The following DNAH9 variants were observed in gnomAD, a reference collection of about 807,000 sequenced individuals.
DNAH9 encodes DNAH9 variant protein.
In DNAH9, 345 loss-of-function variants were observed where a neutral mutation model predicts 471.6. The observed-to-expected ratio is 0.73, with a 90% CI of 0.67 to 0.80. The LOEUF is 0.80. Among genes scored for constraint, DNAH9 ranks in the 30% least tolerant of loss-of-function variants. The probability of loss-of-function intolerance (pLI) is 0.00; values close to 1 mark genes in which losing one functional copy is unlikely to be tolerated. For missense variants in DNAH9, 5,407 were observed against 5,609.2 expected (o/e 0.96, Z 1.15); for synonymous variants, 2,093 against 2,123.6 (o/e 0.99, Z 0.40).
At chr17:11,890,928 C>T (rs1973031450) in intron 57 of DNAH9, among the ~76,000 whole-genome samples, 1 of 152,142 alleles carries the variant, frequency 6.6e-6, no homozygotes, top group South Asian at 2.1e-4. Context: ...CTCAAGTGAT[C>T]CTCTCAGCTC....
Position 11,764,984 on chromosome 17 carries a change from C to CA in DNAH9, c.7170+1376dup, listed in dbSNP as rs201546338. 3.7e-3 allele frequency among the ~76,000 whole-genome samples: 561 copies of CA among 152,022 alleles called. 6 individuals are homozygous for CA. The highest frequency in any genetic ancestry group is 0.013 in the African/African-American group (537 of 41,490). On this transcript the variant is annotated intron_variant, in intron 36 of 68. Transcript: ENST00000262442. ...TAGCTGAGAAAAGCAAAAATAAAAG[C>CA]AAAAAAGAACATGAACTGTGGATTT...
intron 61 of DNAH9, among the ~76,000 whole-genome samples, chr17:11,921,141 G>T (rs1455668232): frequency 1.3e-5 from 2 of 151,970 alleles, no homozygotes; most frequent in Non-Finnish European, 2.9e-5. Flanking sequence ...TACTCGGGAG[G>T]CTGAGGCAGG....
intron 62 of DNAH9, among the ~76,000 whole-genome samples, chr17:11,926,642 TTATC>T (rs1286402555): frequency 5.3e-5 from 8 of 152,218 alleles, no homozygotes; most frequent in African/African-American, 1.4e-4. Flanking sequence ...CACATTTTCT[TTATC>T]TAGTCTATCA....
At chr17:11,847,661 A>G (rs1971274395) in intron 49 of DNAH9, among the ~76,000 whole-genome samples, 1 of 152,194 alleles carries the variant, frequency 6.6e-6, no homozygotes, top group African/African-American at 2.4e-5. Context: ...TTCTCTATAT[A>G]TGAAAAGCTC....
intron 41 of DNAH9, among the ~76,000 whole-genome samples, chr17:11,787,632 A>G (rs902155615): frequency 2.2e-4 from 33 of 152,130 alleles, no homozygotes; most frequent in Admixed American, 2.0e-4. Flanking sequence ...ATCAGAACAG[A>G]ATTTGATAGT....
chr17:11,600,553 G>A lies in DNAH9; in HGVS notation c.417+1638G>A, dbSNP rs187319560. ...CATTGGTGCATTGAAAGAGATTGGAGACAAACAATGTTCATCAACAGGGGA... is the reference window on the plus strand; with the variant it reads ...CATTGGTGCATTGAAAGAGATTGGAAACAAACAATGTTCATCAACAGGGGA... On this transcript the variant is annotated intron_variant, in intron 1 of 68. Coordinates refer to ENST00000262442, the MANE Select transcript of DNAH9 (RefSeq NM_001372.4). Among the ~76,000 whole-genome samples, 11 of 152,102 alleles carry A rather than the reference G, an allele frequency of 7.2e-5. No homozygotes were observed. In the East Asian group the frequency reaches 2.1e-3, roughly 29 times the overall value.
rs554003765 is a variant in DNAH9 at position 11,811,894 on chromosome 17, G to A, written c.8707+1525G>A. ...AATCCCAGCTACTTGGGAGGGTGAGGCAGGAGAATCACTTGAACCAGGGAG... is the reference window on the plus strand; with the variant it reads ...AATCCCAGCTACTTGGGAGGGTGAGACAGGAGAATCACTTGAACCAGGGAG... On this transcript the variant is annotated intron_variant, in intron 45 of 68. Transcript: ENST00000262442. Among the ~76,000 whole-genome samples, 10 of 147,442 alleles carry A rather than the reference G, an allele frequency of 6.8e-5. 1 individual carries two copies. The highest frequency in any genetic ancestry group is 4.3e-4 in the South Asian group (2 of 4,620).
chr17:11,780,948 G>A, intron 38 of DNAH9, 61 bp from the exon 39 acceptor site: 2 of 1,534,166 alleles, frequency 1.3e-6, no homozygotes, highest in Middle Eastern at 2.0e-4. Context: ...AATCTTTGCT[G>A]TCTCAGTACT....
chr17:11,946,060 C>T lies in DNAH9; in HGVS notation c.12843+3575C>T, dbSNP rs901181372. Among the ~76,000 whole-genome samples, 6 of 151,808 alleles carry T rather than the reference C, an allele frequency of 4.0e-5. No homozygotes were observed. In the East Asian group the frequency reaches 9.7e-4, roughly 25 times the overall value. On this transcript the variant is annotated intron_variant, in intron 67 of 68. Coordinates refer to ENST00000262442, the MANE Select transcript of DNAH9 (RefSeq NM_001372.4). ...CTAAAAAATACAAAAATTAGCCAGG[C>T]GTGGTGGCACGCACCTGTAATCCCA...
At position 11,768,573 on chromosome 17, in the gene DNAH9, C is replaced by A. The variant is rs1442395333; in HGVS notation, c.7291C>A (p.Pro2431Thr). The A allele has an allele frequency of 1.2e-6, 2 of 1,614,142 alleles. No individual in the cohort carries two copies. Among genetic ancestry groups the A allele is most frequent in the South Asian group, 1.1e-5 (1 of 91,064 alleles). Residue 2431 changes from proline to threonine, a missense_variant, in exon 37 of 69, where the codon CCT becomes ACT. By Grantham distance (38) the Pro-to-Thr change is conservative. Around this residue, in one of 3 missense-constraint regions of DNAH9, gnomAD observed 4,636 missense variants for 4,900.3 expected, o/e 0.95. Coordinates refer to ENST00000262442, the MANE Select transcript of DNAH9 (RefSeq NM_001372.4). ...YIDPETKKFE[P>T]WSKLVPQFEF... ...CGACCCAGAGACCAAGAAATTCGAG[C>A]CTTGGTCCAAGCTCGTCCCCCAGTT... is the stretch of plus-strand genomic sequence containing the variant.
Position 11,902,819 on chromosome 17 carries a change from A to G in DNAH9, c.11507A>G (p.Glu3836Gly), listed in dbSNP as rs1973457072. 3.7e-6 allele frequency: 6 copies of G among 1,614,060 alleles called. No individual in the cohort carries two copies. The East Asian group carries it at 6.7e-5, about 18-fold the overall frequency. The change falls in exon 60 of 69, where the codon GAG becomes GGG. Residue 3836 changes from glutamate (E) to glycine (G), a missense_variant. Glu to Gly is a moderately conservative substitution (Grantham distance 98, BLOSUM62 -2). Coordinates refer to ENST00000262442, the MANE Select transcript of DNAH9 (RefSeq NM_001372.4). ...KFVESECPEK[E>G]KLPQEWKNKT... ...GTGGAGTCCGAATGTCCTGAGAAAG[A>G]GAAGCTCCCACAGGAGTGGAAGAAC... is the stretch of plus-strand genomic sequence containing the variant.
At chr17:11,628,832 A>C (rs995829591) in intron 6 of DNAH9, among the ~76,000 whole-genome samples, 1 of 152,234 alleles carries the variant, frequency 6.6e-6, no homozygotes, top group Non-Finnish European at 1.5e-5. Context: ...GACCACAAAG[A>C]CATAGAGAGG....
At chr17:11,789,226 G>C (rs906514957) in intron 41 of DNAH9, among the ~76,000 whole-genome samples, 12 of 151,940 alleles carry the variant, frequency 7.9e-5, no homozygotes, top group Non-Finnish European at 1.3e-4. Context: ...AAAATACTTT[G>C]AGAAGTGTTT....
rs756615045 is a variant in DNAH9 at position 11,598,721 on chromosome 17, C to T, written c.223C>T (p.Arg75Trp). Residue 75 changes from arginine to tryptophan, a missense_variant, in exon 1 of 69, where the codon CGG (arginine) becomes TGG (tryptophan). Physicochemically the swap from Arg to Trp is moderately radical, Grantham distance 101. Around this residue, in one of 3 missense-constraint regions of DNAH9, gnomAD observed 767 missense variants for 692.5 expected, o/e 1.11. Transcript: ENST00000262442. The part of the protein sequence containing the change: ...AEGPRPLLVV[R>W]PGPRGLAIRP... Reference sequence around the variant, plus strand: ...GGGGCCGCGGCCGCTGCTGGTGGTGCGGCCCGGGCCCAGGGGCCTGGCAAT... The same window carrying T: ...GGGGCCGCGGCCGCTGCTGGTGGTGTGGCCCGGGCCCAGGGGCCTGGCAAT... 4 of 1,381,366 alleles carry T rather than the reference C, an allele frequency of 2.9e-6. No homozygotes were observed. Among genetic ancestry groups the T allele is most frequent in the Non-Finnish European group, 3.7e-6 (4 of 1,074,716 alleles). The allele number at this position is 1,381,366 out of a possible 1,614,324, so 85.6% of individuals were successfully genotyped here.
chr17:11,829,669 C>T (rs7224088), intron 48 of DNAH9, among the ~76,000 whole-genome samples: 100,824 of 151,862 alleles, frequency 0.66, 33,609 homozygotes, highest in African/African-American at 0.71. Flanking sequence ...ATGGGGGTCT[C>T]GCCATGCCGG....
chr17:11,663,051 G>T (rs1014976710), intron 14 of DNAH9, among the ~76,000 whole-genome samples: 1 of 151,670 alleles, frequency 6.6e-6, no homozygotes, highest in East Asian at 2.0e-4. Context: ...CACCGCGCCC[G>T]GCCCGAGGCT....
In DNAH9 at chr17:11,743,694, T is replaced by C. The variant is rs182544428; in HGVS notation, c.6112-1103T>C. ...TTCTCACTTGCCTTGACTGCACTTCTTTTTCGTCTGTGCCTGACTGAATTC... is the reference window on the plus strand; with the variant it reads ...TTCTCACTTGCCTTGACTGCACTTCCTTTTCGTCTGTGCCTGACTGAATTC... On this transcript the variant is annotated intron_variant, in intron 30 of 68. Coordinates refer to ENST00000262442, the MANE Select transcript of DNAH9 (RefSeq NM_001372.4). 1.4e-4 allele frequency among the ~76,000 whole-genome samples: 22 copies of C among 152,328 alleles called. No homozygotes were observed. The East Asian group carries it at 3.3e-3, about 23-fold the overall frequency.
At chr17:11,906,838 G>A (rs561298562) in intron 61 of DNAH9, among the ~76,000 whole-genome samples, 3 of 151,962 alleles carry the variant, frequency 2.0e-5, no homozygotes, top group Non-Finnish European at 4.4e-5. Context: ...AGCACAAAGA[G>A]GGGAAGAACA....
At chr17:11,630,801 C>G (rs1458317026) in intron 7 of DNAH9, among the ~76,000 whole-genome samples, 1 of 152,146 alleles carries the variant, frequency 6.6e-6, no homozygotes, top group African/African-American at 2.4e-5. Context: ...ACACAAAAAG[C>G]AAATGGTAAC....
Sources: allele counts gnomAD v4.1 joint callset (sites outside exome capture counted in the v4.1 genomes callset), GRCh38; gene constraint gnomAD v4.1.1; regional missense constraint gnomAD v4.1.1; transcripts MANE v1.5; gene names NCBI Gene and HGNC (gene_info 2026-07-23, HGNC 2026-07-21).